Variants in CLEC17A observed in about 807,000 individuals in gnomAD.
CLEC17A encodes the protein C-type lectin domain family 17, member A.
CLEC17A carries 37 observed loss-of-function variants against 61.3 expected under a neutral mutation model. That is an observed-to-expected ratio of 0.60 (90% CI 0.46 to 0.79). The LOEUF (loss-of-function observed/expected upper bound fraction) is 0.79, where lower values mean the gene tolerates loss of function less well. Among genes scored for constraint, CLEC17A ranks in the 30% least tolerant of loss-of-function variants. The probability of loss-of-function intolerance (pLI) is 0.00; values close to 1 mark genes in which losing one functional copy is unlikely to be tolerated. For missense variants in CLEC17A, 418 were observed against 464.7 expected, an observed-to-expected ratio of 0.90 and a Z score of 0.92; for synonymous variants, 168 against 164.9, an observed-to-expected ratio of 1.02 and a Z score of -0.14.
intron 3 of CLEC17A, among the ~76,000 whole-genome samples, chr19:14,591,297 G>A (rs554098861): frequency 6.6e-6 from 1 of 150,922 alleles, no homozygotes; most frequent in Non-Finnish European, 1.5e-5. Context: ...TGGGACCACA[G>A]GCGCCCGCCA....
At chr19:14,609,467 A>G (rs1181468278) in intron 13 of CLEC17A, among the ~76,000 whole-genome samples, 4 of 152,154 alleles carry the variant, frequency 2.6e-5, no homozygotes, top group East Asian at 1.9e-4. Flanking sequence ...GATCTAAACA[A>G]TTCCTAGAAG....
In CLEC17A at chr19:14,594,780, C is replaced by A; in HGVS notation, c.383C>A (p.Thr128Asn). The A allele has an allele frequency of 1.2e-6, 2 of 1,613,884 alleles. No individual in the cohort carries two copies. Among genetic ancestry groups the A allele is most frequent in the South Asian group, 2.2e-5 (2 of 91,068 alleles). The change falls in exon 7 of 14, where the codon ACC becomes AAC. Residue 128 changes from threonine to asparagine, a missense_variant. Coordinates refer to ENST00000417570, the MANE Select transcript of CLEC17A (RefSeq NM_001204118.2). ...NMTGLDLAAV[T>N]CPPPQLAVNL... ...CTAGGCCTGGACCTCGCCGCTGTCA[C>A]CTGTCCACCTCCTCAACTGGGTGAG...
intron 3 of CLEC17A, among the ~76,000 whole-genome samples, chr19:14,591,256 G>T (rs1356799357): frequency 7.1e-6 from 1 of 140,526 alleles, no homozygotes; most frequent in East Asian, 2.2e-4. Flanking sequence ...CCAGGTTCAC[G>T]CCATTCTCCT....
chr19:14,607,614 C>T (rs1238961145), intron 13 of CLEC17A, among the ~76,000 whole-genome samples: 4 of 151,854 alleles, frequency 2.6e-5, no homozygotes, highest in Non-Finnish European at 4.4e-5. Flanking sequence ...GTCTCGCTGT[C>T]GCTCAGGCTG....
At chr19:14,585,837 T>C (rs953494079) in intron 2 of CLEC17A, among the ~76,000 whole-genome samples, 18 of 147,712 alleles carry the variant, frequency 1.2e-4, no homozygotes, top group African/African-American at 4.0e-4. Context: ...AACTGTGAGA[T>C]AATAAATGCT....
At chr19:14,584,099 T>C (rs1358805079) in intron 2 of CLEC17A, 3 of 145,362 alleles carry the variant, frequency 2.1e-5, no homozygotes, top group Non-Finnish European at 4.4e-5. Flanking sequence ...GTTTGGGCCG[T>C]GTGTGGTGGC....
At position 14,596,870 on chromosome 19, in the gene CLEC17A, C is replaced by T; in HGVS notation, c.446-6C>T. 1 of 1,608,244 alleles carries T rather than the reference C, an allele frequency of 6.2e-7. No homozygotes were observed. Among genetic ancestry groups the T allele is most frequent in the Non-Finnish European group, 8.5e-7 (1 of 1,177,692 alleles). ...CAGTCTCTCTGTTCCCATCCCCACT[C>T]CCCAGCAACTCCAGTCCCCTGGCTC... On this transcript the variant is annotated splice_polypyrimidine_tract_variant and splice_region_variant and intron_variant, in intron 8 of 13. Coordinates refer to ENST00000417570, the MANE Select transcript of CLEC17A (RefSeq NM_001204118.2).
At chr19:14,590,091 A>G (rs527464411) in intron 3 of CLEC17A, among the ~76,000 whole-genome samples, 26 of 144,162 alleles carry the variant, frequency 1.8e-4, no homozygotes, top group African/African-American at 6.5e-4. Context: ...AACCACAGAA[A>G]CTGTGAGATA....
chr19:14,584,601 G>A (rs1411589634), intron 2 of CLEC17A, among the ~76,000 whole-genome samples: 1 of 152,036 alleles, frequency 6.6e-6, no homozygotes, highest in East Asian at 1.9e-4. Context: ...CCAAAGTGGG[G>A]CCACCTGGGA....
intron 13 of CLEC17A, among the ~76,000 whole-genome samples, chr19:14,609,264 T>C (rs886637379): frequency 6.6e-6 from 1 of 152,176 alleles, no homozygotes; most frequent in Non-Finnish European, 1.5e-5. Flanking sequence ...TTGGGATGAC[T>C]CTGGTGCTGT....
rs532904394 is a variant in CLEC17A at position 14,600,058 on chromosome 19, G to A, written c.770G>A (p.Gly257Asp). ...TGCCGCCGAATTACCTGTCCTGAAG[G>A]CTGGCTGCCCTTTGAGGGCAAGTGT... ...LDCRRITCPE[G>D]WLPFEGKCYY... Residue 257 changes from glycine (G) to aspartate (D), a missense_variant, in exon 12 of 14, where the codon GGC becomes GAC. Physicochemically the swap from Gly to Asp is moderately conservative, Grantham distance 94. Transcript: ENST00000417570. 3.1e-6 allele frequency: 5 copies of A among 1,614,016 alleles called. No individual in the cohort carries two copies. In the East Asian group the frequency reaches 6.7e-5, roughly 22 times the overall value.
At chr19:14,606,898 C>G in intron 12 of CLEC17A, 95 bp from the exon 13 acceptor site, 1 of 508,966 alleles carries the variant, frequency 2.0e-6, no homozygotes, top group Non-Finnish European at 3.0e-6. Context: ...GGTGACGTTC[C>G]CAAGCCCTAA....
chr19:14,602,372 C>T (rs955267640), intron 12 of CLEC17A, among the ~76,000 whole-genome samples: 2 of 152,164 alleles, frequency 1.3e-5, no homozygotes, highest in African/African-American at 4.8e-5. Flanking sequence ...TCATGGCAGC[C>T]TTGGCCTCCT....
At chr19:14,607,500 G>T (rs2074924651) in intron 13 of CLEC17A, among the ~76,000 whole-genome samples, 1 of 151,042 alleles carries the variant, frequency 6.6e-6, no homozygotes, top group Admixed American at 6.6e-5. Flanking sequence ...ACCGCGCCCG[G>T]CCAGGAGCTG....
rs1231122293 is a variant in CLEC17A at position 14,607,542 on chromosome 19, TTTATTTTA to T, written c.1004+447_1004+454del. On this transcript the variant is annotated intron_variant, in intron 13 of 13. Transcript: ENST00000417570. ...ACTGGTACAGCTCTACTTGTTTTAT[TTTATTTTA>T]TTATTTATTTATTTATTTATTTATT... Among the ~76,000 whole-genome samples, 83 of 145,188 alleles carry T rather than the reference TTTATTTTA, an allele frequency of 5.7e-4. 1 individual carries two copies. The highest frequency in any genetic ancestry group is 2.0e-3 in the African/African-American group (78 of 38,454).
intron 8 of CLEC17A, among the ~76,000 whole-genome samples, chr19:14,595,788 G>A (rs2074529882): frequency 7.6e-6 from 1 of 131,806 alleles, no homozygotes; most frequent in Non-Finnish European, 1.6e-5. Context: ...GGTGGAAACA[G>A]TGATATGGTG....
rs1336472359 is a variant in CLEC17A at position 14,592,362 on chromosome 19, A to G, written c.277+4A>G. 6.2e-7 allele frequency: 1 copy of G among 1,609,942 alleles called. No homozygotes were observed. The highest frequency in any genetic ancestry group is 1.1e-5 in the South Asian group (1 of 90,300). ...AAGGACCTTCCTCCCAAGCCAGGTAAGAGGACTTTTTGGAGTGTGACCTGG... is the reference window on the plus strand; with the variant it reads ...AAGGACCTTCCTCCCAAGCCAGGTAGGAGGACTTTTTGGAGTGTGACCTGG... On this transcript the variant is annotated splice_donor_region_variant and intron_variant, in intron 4 of 13. Coordinates refer to ENST00000417570, the MANE Select transcript of CLEC17A (RefSeq NM_001204118.2).
chr19:14,590,862 ATT>A (rs74183400), intron 3 of CLEC17A, among the ~76,000 whole-genome samples: 9 of 135,252 alleles, frequency 6.7e-5, no homozygotes, highest in Non-Finnish European at 9.7e-5. Flanking sequence ...GTTTTTTCTA[ATT>A]TTTTTTTTTT....
chr19:14,587,124 C>T (rs938132560), intron 2 of CLEC17A, among the ~76,000 whole-genome samples: 1 of 151,838 alleles, frequency 6.6e-6, no homozygotes. Flanking sequence ...AACTCCCAAA[C>T]TCAGGCGACC....
Sources: gnomAD v4.1 joint callset for allele counts (sites outside exome capture counted in the v4.1 genomes callset) on GRCh38, gnomAD v4.1.1 for gene constraint, MANE v1.5 for transcripts, NCBI Gene and HGNC (gene_info 2026-07-23, HGNC 2026-07-21) for gene names.